The following UTS2B variants were observed in gnomAD, a reference collection of about 807,000 sequenced individuals.
UTS2B encodes urotensin 2B.
A neutral mutation model predicts 19.2 loss-of-function variants in UTS2B; 21 were observed. That is an observed-to-expected ratio of 1.09 (90% confidence interval 0.78 to 1.58). The LOEUF (loss-of-function observed/expected upper bound fraction) is 1.58. Among genes scored for constraint, UTS2B ranks in the 40% most tolerant of loss-of-function variants. The pLI, the probability that UTS2B is intolerant of heterozygous loss-of-function variation, is 0.00. For missense variants in UTS2B, 138 were observed against 130.3 expected (o/e 1.06, Z -0.29); for synonymous variants, 57 against 50.2 (o/e 1.14, Z -0.58).
At chr3:191,272,932 AG>A (rs1716129811) in intron 8 of UTS2B, among the ~76,000 whole-genome samples, 1 of 151,780 alleles carries the variant, frequency 6.6e-6, no homozygotes, top group South Asian at 2.1e-4. Flanking sequence ...TGAGAGCTCA[AG>A]GCAGGTGGAT....
At chr3:191,317,939 C>A (rs1717511597) in intron 2 of UTS2B, among the ~76,000 whole-genome samples, 1 of 152,024 alleles carries the variant, frequency 6.6e-6, no homozygotes, top group South Asian at 2.1e-4. Context: ...AGCATGAAAA[C>A]AGAAGTTGCC....
intron 4 of UTS2B, among the ~76,000 whole-genome samples, chr3:191,289,633 A>G (rs1716660074): frequency 6.6e-6 from 1 of 152,088 alleles, no homozygotes; most frequent in African/African-American, 2.4e-5. Context: ...ATTTGTGATA[A>G]AATATATAAG....
chr3:191,315,442 T>G (rs2364378), intron 3 of UTS2B, among the ~76,000 whole-genome samples: 33,441 of 152,172 alleles, frequency 0.22, 4,025 homozygotes, highest in South Asian at 0.29. Context: ...CAGTCTTGGA[T>G]ACTGAGCCCT....
intron 2 of UTS2B, among the ~76,000 whole-genome samples, chr3:191,321,792 C>T (rs113671447): frequency 1.3e-5 from 2 of 152,140 alleles, no homozygotes; most frequent in African/African-American, 4.8e-5. Context: ...TTTGGGAGGC[C>T]AAGGTGGGCA....
intron 3 of UTS2B, among the ~76,000 whole-genome samples, chr3:191,307,749 A>G (rs1179050348): frequency 6.6e-6 from 1 of 152,090 alleles, no homozygotes; most frequent in African/African-American, 2.4e-5. Flanking sequence ...CTACCAATAC[A>G]CCATTGCAGT....
At position 191,327,907 on chromosome 3, in the gene UTS2B, C is replaced by T. The variant is rs952813323; in HGVS notation, c.-586+724G>A. Among the ~76,000 whole-genome samples, 10 of 152,314 alleles carry T rather than the reference C, an allele frequency of 6.6e-5. No individual in the cohort carries two copies. The East Asian group carries it at 7.7e-4, about 12-fold the overall frequency. On this transcript the variant is annotated intron_variant, in intron 2 of 8. Transcript: ENST00000340524. ...TAATACCACTTCCTTCTTATTCCCA[C>T]ATTTAACCTGCTGAGTGTTATCTCT... is the stretch of plus-strand genomic sequence containing the variant.
intron 4 of UTS2B, among the ~76,000 whole-genome samples, chr3:191,284,462 C>T (rs1471014475): frequency 6.6e-6 from 1 of 151,830 alleles, no homozygotes; most frequent in Non-Finnish European, 1.5e-5. Flanking sequence ...GCTGGGATTA[C>T]AGGCTAGCAC....
rs1372415028 is a variant in UTS2B, at chr3:191,316,180, T to G, written c.-326A>C. ...GGTGTTTGTTTTCTTCCACATAGCCTTTCCATATAGCCAGTTTCCAACAGC... is the reference window on the plus strand; with the variant it reads ...GGTGTTTGTTTTCTTCCACATAGCCGTTCCATATAGCCAGTTTCCAACAGC... On this transcript the variant is annotated 5_prime_UTR_variant, in exon 3 of 9. Transcript: ENST00000340524. The G allele has an allele frequency of 6.6e-6, 1 of 152,114 alleles. No individual in the cohort carries two copies. Among genetic ancestry groups the G allele is most frequent in the Non-Finnish European group, 1.5e-5 (1 of 68,060 alleles). 9.4% of individuals were successfully genotyped at this position (152,114 alleles called of 1,614,324 possible).
intron 2 of UTS2B, among the ~76,000 whole-genome samples, chr3:191,322,753 T>G (rs1717643202): frequency 6.6e-6 from 1 of 152,112 alleles, no homozygotes; most frequent in Non-Finnish European, 1.5e-5. Context: ...AATGAAGAAA[T>G]GGGGTCTCAT....
chr3:191,296,744 A>C (rs1716867657), intron 4 of UTS2B, among the ~76,000 whole-genome samples: 1 of 152,224 alleles, frequency 6.6e-6, no homozygotes, highest in African/African-American at 2.4e-5. Context: ...TCTTAAGGAA[A>C]GCGGGAGGCT....
intron 5 of UTS2B, among the ~76,000 whole-genome samples, chr3:191,279,384 T>C (rs2108573087): frequency 6.6e-6 from 1 of 152,194 alleles, no homozygotes; most frequent in South Asian, 2.1e-4. Context: ...TATGAAATAA[T>C]GTAATTTTTA....
chr3:191,273,261 AT>A, intron 8 of UTS2B: 1 of 330,168 alleles, frequency 3.0e-6, no homozygotes, highest in Non-Finnish European at 6.0e-6. Context: ...ACTAGAAGAG[AT>A]TTGGGGTTGT....
chr3:191,272,862 TA>T lies in UTS2B; in HGVS notation c.334+2389del, dbSNP rs35248454. 9.5e-3 allele frequency among the ~76,000 whole-genome samples: 1,121 copies of T among 118,238 alleles called. 8 individuals carry two copies. Among genetic ancestry groups the T allele is most frequent in the Admixed American group, 0.026 (299 of 11,492 alleles). The allele number at this position is 118,238 out of a possible 152,430, so 77.6% of individuals were successfully genotyped here. ...TAGGCAACAAGAGCAAAACTCCGTC[TA>T]AAAAAAAAAAAAAAAAATGGGCAGG... is the stretch of plus-strand genomic sequence containing the variant. On this transcript the variant is annotated intron_variant, in intron 8 of 8. Transcript: ENST00000340524.
chr3:191,318,080 T>A (rs1717515572), intron 2 of UTS2B, among the ~76,000 whole-genome samples: 1 of 152,206 alleles, frequency 6.6e-6, no homozygotes, highest in Admixed American at 6.5e-5. Context: ...TGGAGGGTTA[T>A]AATGTCGTAC....
chr3:191,339,115 A>G, the UTS2B span, among the ~76,000 whole-genome samples: 7 of 152,184 alleles, frequency 4.6e-5, no homozygotes, highest in Non-Finnish European at 1.5e-5. Context: ...AAGAATCTGA[A>G]AGTTTTGGGT....
intron 4 of UTS2B, among the ~76,000 whole-genome samples, chr3:191,289,138 A>G (rs1041971767): frequency 6.6e-6 from 1 of 152,116 alleles, no homozygotes; most frequent in East Asian, 1.9e-4. Context: ...AGCCAGGCGC[A>G]GTGGCTCACG....
At chr3:191,292,119 G>GA (rs58089139) in intron 4 of UTS2B, among the ~76,000 whole-genome samples, 78,576 of 145,894 alleles carry the variant, frequency 0.54, 21,550 homozygotes, top group African/African-American at 0.64. Context: ...GCCAATTTCT[G>GA]AAAAAAAAAA....
rs180972316 is a variant in UTS2B, at chr3:191,325,890, T to C, written c.-586+2741A>G. On this transcript the variant is annotated intron_variant, in intron 2 of 8. Transcript: ENST00000340524. ...AGCCTCCAGAACTGTGAAAAACATA[T>C]ATAATAATTTCTGTTATTTAAGCCA... Among the ~76,000 whole-genome samples, 259 of 152,346 alleles carry C rather than the reference T, an allele frequency of 1.7e-3. 1 individual carries two copies. The highest frequency in any genetic ancestry group is 4.7e-3 in the Admixed American group (72 of 15,302).
At chr3:191,289,211 C>T (rs748623204) in intron 4 of UTS2B, among the ~76,000 whole-genome samples, 10 of 151,966 alleles carry the variant, frequency 6.6e-5, no homozygotes, top group Non-Finnish European at 1.3e-4. Flanking sequence ...AGATCGAGAC[C>T]ATCCTGGCTA....
Sources: gnomAD v4.1 joint callset for allele counts (sites outside exome capture counted in the v4.1 genomes callset) on GRCh38, gnomAD v4.1.1 for gene constraint, MANE v1.5 for transcripts, NCBI Gene and HGNC (gene_info 2026-07-23, HGNC 2026-07-21) for gene names.